Variants in SEC61A1 observed in about 807,000 individuals in gnomAD.
SEC61A1 encodes the protein SEC61 translocon subunit alpha 1.
A neutral mutation model predicts 55.2 loss-of-function variants in SEC61A1; 15 were observed. The ratio of observed to expected loss-of-function variants is 0.27; its 90% CI spans 0.18 to 0.42. The LOEUF (loss-of-function observed/expected upper bound fraction) is 0.42. SEC61A1 is among the 10% of genes least tolerant of loss of function. The pLI is 1.00. For missense variants in SEC61A1, 284 were observed against 602.6 expected, an observed-to-expected ratio of 0.47 and a Z score of 5.53; for synonymous variants, 247 against 234.0, an observed-to-expected ratio of 1.06 and a Z score of -0.51.
chr3:128,059,441 C>A (rs891174234), intron 5 of SEC61A1, among the ~76,000 whole-genome samples: 29 of 151,746 alleles, frequency 1.9e-4, no homozygotes, highest in African/African-American at 6.8e-4. Flanking sequence ...CCACCGTACT[C>A]CAGCCTGGGC....
chr3:128,067,779 G>A lies in SEC61A1; in HGVS notation c.1167+167G>A, dbSNP rs1442870505. ...AAGGGCTGACAGATGGAGTCCAGCA[G>A]TAGATCAGCTGTGGGTATGAGAATC... On this transcript the variant is annotated intron_variant, in intron 10 of 11. Coordinates refer to ENST00000243253, the MANE Select transcript of SEC61A1 (RefSeq NM_013336.4). This position sits in a 1 kb window ranked among gnomAD's most constrained non-coding sequence, Gnocchi z 4.1. The A allele has an allele frequency of 1.5e-6, 1 of 670,110 alleles. No homozygotes were observed. Among genetic ancestry groups the A allele is most frequent in the African/African-American group, 1.8e-5 (1 of 55,362 alleles). The allele number at this position is 670,110 out of a possible 1,614,324, so 41.5% of individuals were successfully genotyped here.
chr3:128,051,778 TC>T (rs1370121970), upstream of SEC61A1: 6 of 1,523,316 alleles, frequency 3.9e-6, no homozygotes, highest in Non-Finnish European at 5.3e-6. Flanking sequence ...GCAGACTACT[TC>T]CCGAGCTGCC....
Position 128,067,680 on chromosome 3 carries a change from C to T in SEC61A1, c.1167+68C>T, listed in dbSNP as rs888274904. On this transcript the variant is annotated intron_variant, in intron 10 of 11. Coordinates refer to ENST00000243253, the MANE Select transcript of SEC61A1 (RefSeq NM_013336.4). This position sits in a 1 kb window ranked among gnomAD's most constrained non-coding sequence, Gnocchi z 4.1. ...ACTGGTATAAGGGGTGTGGACTTGT[C>T]ACCTCATCATAAATAATGGTCTGTG... The T allele has an allele frequency of 3.2e-5, 40 of 1,236,912 alleles. No homozygotes were observed. The highest frequency in any genetic ancestry group is 4.5e-5 in the Non-Finnish European group (39 of 870,624). 76.6% of individuals were successfully genotyped at this position (1,236,912 alleles called of 1,614,324 possible).
chr3:128,067,623 G>A lies in SEC61A1; in HGVS notation c.1167+11G>A, dbSNP rs978504913. On this transcript the variant is annotated intron_variant, in intron 10 of 11. Coordinates refer to ENST00000243253, the MANE Select transcript of SEC61A1 (RefSeq NM_013336.4). The surrounding 1 kb of genome is among the most constrained non-coding windows in gnomAD (Gnocchi z 4.1). The stretch of plus-strand genomic sequence containing the variant: ...TCCTCTGCCAAAGATGTAAGTAGAA[G>A]CAAAACTTTCTGGAAGGGTGATGAA... The A allele has an allele frequency of 2.5e-6, 4 of 1,600,474 alleles. No homozygotes were observed. The highest frequency in any genetic ancestry group is 1.3e-5 in the African/African-American group (1 of 74,484).
At chr3:128,061,311 A>G (rs968675881) in intron 7 of SEC61A1, among the ~76,000 whole-genome samples, 1 of 152,250 alleles carries the variant, frequency 6.6e-6, no homozygotes, top group Non-Finnish European at 1.5e-5. Flanking sequence ...ATGCTGTGCT[A>G]CATCCACCAA....
intron 7 of SEC61A1, among the ~76,000 whole-genome samples, chr3:128,062,660 G>A (rs999253943): frequency 1.3e-5 from 2 of 152,222 alleles, no homozygotes; most frequent in Non-Finnish European, 2.9e-5. Context: ...ATGTCATCTC[G>A]GAATGGTCCA....
chr3:128,060,962 C>T (rs1188993569), intron 7 of SEC61A1, among the ~76,000 whole-genome samples: 1 of 152,208 alleles, frequency 6.6e-6, no homozygotes, highest in Admixed American at 6.5e-5. Flanking sequence ...GATAAAGCAA[C>T]GTTAAGTCAT....
At chr3:128,053,230 C>T (rs1034382576) in intron 2 of SEC61A1, among the ~76,000 whole-genome samples, 6 of 152,182 alleles carry the variant, frequency 3.9e-5, no homozygotes, top group Admixed American at 1.3e-4. Flanking sequence ...AGTTACCCTC[C>T]CTTTTTCACC....
At chr3:128,051,828 C>T, upstream of SEC61A1, 2 of 1,535,660 alleles carry the variant, frequency 1.3e-6, no homozygotes, top group Non-Finnish European at 1.7e-6. Flanking sequence ...GAAACTCATC[C>T]CATTCGTTCT....
At chr3:128,065,740 T>TG (rs1226808862) in intron 8 of SEC61A1, among the ~76,000 whole-genome samples, 22 of 139,212 alleles carry the variant, frequency 1.6e-4, no homozygotes, top group African/African-American at 5.7e-4. Flanking sequence ...GAATTTTTTT[T>TG]TTTTTTTTTT....
intron 5 of SEC61A1, among the ~76,000 whole-genome samples, chr3:128,058,157 G>A (rs1169007058): frequency 5.3e-5 from 8 of 151,048 alleles, no homozygotes; most frequent in East Asian, 1.9e-4. Flanking sequence ...ATGTTTTACA[G>A]GTCTTAAATT....
chr3:128,067,254 A>G lies in SEC61A1; in HGVS notation c.975+103A>G. On this transcript the variant is annotated intron_variant, in intron 9 of 11. Transcript: ENST00000243253. The surrounding 1 kb of genome is among the most constrained non-coding windows in gnomAD (Gnocchi z 4.1). ...GATATTTCATCCAAAGATATTTTCC[A>G]TTGTGCCTTTTACAAATTCAGCACA... is the stretch of plus-strand genomic sequence containing the variant. The G allele has an allele frequency of 7.4e-7, 1 of 1,350,120 alleles. No individual in the cohort carries two copies. Among genetic ancestry groups the G allele is most frequent in the African/African-American group, 1.4e-5 (1 of 69,044 alleles). The allele number at this position is 1,350,120 out of a possible 1,614,324, so 83.6% of individuals were successfully genotyped here.
chr3:128,067,178 AG>A lies in SEC61A1; in HGVS notation c.975+28del. On this transcript the variant is annotated intron_variant, in intron 9 of 11. Coordinates refer to ENST00000243253, the MANE Select transcript of SEC61A1 (RefSeq NM_013336.4). This position sits in a 1 kb window ranked among gnomAD's most constrained non-coding sequence, Gnocchi z 4.1. ...TAAGTAGGCTCTTTGAAGATGAGCT[AG>A]CAATGCAGCTAAGTTGCAGTGGTTT... 1 of 1,594,266 alleles carries A rather than the reference AG, an allele frequency of 6.3e-7. No individual in the cohort carries two copies. The highest frequency in any genetic ancestry group is 8.6e-7 in the Non-Finnish European group (1 of 1,161,974).
intron 4 of SEC61A1, 105 bp downstream of exon 4, chr3:128,055,856 G>A (rs1273479151): frequency 1.1e-6 from 1 of 898,582 alleles, no homozygotes; most frequent in African/African-American, 1.7e-5. Context: ...AGAGTGACTT[G>A]GAAAATAGAG....
In SEC61A1 at chr3:128,052,921, CAACA is replaced by C. The variant is rs766314815; in HGVS notation, c.75+22_75+25del. ...GAGGAAGGTAAGTACCCCAAATCGCCAACAAAGAAGGTTTCAGGAAACTGTCTGG... is the reference window on the plus strand; with the variant it reads ...GAGGAAGGTAAGTACCCCAAATCGCCAAGAAGGTTTCAGGAAACTGTCTGG... On this transcript the variant is annotated intron_variant, in intron 2 of 11. Coordinates refer to ENST00000243253, the MANE Select transcript of SEC61A1 (RefSeq NM_013336.4). The C allele has an allele frequency of 1.2e-4, 191 of 1,599,666 alleles. No individual in the cohort carries two copies. The highest frequency in any genetic ancestry group is 5.0e-4 in the Middle Eastern group (3 of 6,040).
chr3:128,052,876 C>T lies in SEC61A1; in HGVS notation c.49C>T (p.Pro17Ser). Residue 17 changes from proline (P) to serine (S), a missense_variant, in exon 2 of 12, where the codon CCG becomes TCG. Coordinates refer to ENST00000243253, the MANE Select transcript of SEC61A1 (RefSeq NM_013336.4). Reference sequence around the variant, plus strand: ...CATCAAGCCCTTCTGTGTCATCCTGCCGGAAATTCAGAAGCCAGAGAGGAA... The same window carrying T: ...CATCAAGCCCTTCTGTGTCATCCTGTCGGAAATTCAGAAGCCAGAGAGGAA... ...EVIKPFCVIL[P>S]EIQKPERKIQ... 1.2e-6 allele frequency: 2 copies of T among 1,612,822 alleles called. No individual in the cohort carries two copies. The highest frequency in any genetic ancestry group is 1.7e-6 in the Non-Finnish European group (2 of 1,179,572).
At chr3:128,052,417 C>G (rs1463519776), upstream of SEC61A1, 3 of 1,246,010 alleles carry the variant, frequency 2.4e-6, no homozygotes, top group Non-Finnish European at 3.0e-6. Flanking sequence ...CGCCGCGCCG[C>G]TTGCCGCCGG....
intron 4 of SEC61A1, 67 bp downstream of exon 4, chr3:128,055,818 A>G: frequency 7.7e-7 from 1 of 1,301,038 alleles, no homozygotes. Context: ...AGTTAAATTA[A>G]TAGGCTTTGG....
rs140797842 is a variant in SEC61A1 at position 128,056,873 on chromosome 3, A to G, written c.352+33A>G. On this transcript the variant is annotated intron_variant, in intron 5 of 11. Coordinates refer to ENST00000243253, the MANE Select transcript of SEC61A1 (RefSeq NM_013336.4). ...AGATTGTGAATAATCTGATGTCTAT[A>G]GTTGGAAAATTTGAATTTGCTATAA... The G allele has an allele frequency of 3.1e-5, 45 of 1,437,688 alleles. No individual in the cohort carries two copies. The East Asian group carries it at 1.1e-3, about 36-fold the overall frequency. 89.1% of individuals were successfully genotyped at this position (1,437,688 alleles called of 1,614,324 possible).
Sources: allele counts gnomAD v4.1 joint callset (sites outside exome capture counted in the v4.1 genomes callset), GRCh38; gene constraint gnomAD v4.1.1; non-coding constraint Gnocchi (gnomAD v3.1); transcripts MANE v1.5; gene names NCBI Gene and HGNC (gene_info 2026-07-23, HGNC 2026-07-21).